Variants in AKAP7 observed in about 807,000 individuals in gnomAD.
AKAP7 encodes A kinase (PRKA) anchor protein 7.
A neutral mutation model predicts 39.5 loss-of-function variants in AKAP7; 39 were observed. The observed-to-expected ratio is 0.99, with a 90% CI of 0.76 to 1.29. The LOEUF is 1.29. AKAP7 is among the 50% of genes most tolerant of loss of function. The pLI is 0.00. For missense variants in AKAP7, 414 were observed against 407.7 expected (o/e 1.02, Z -0.13); for synonymous variants, 140 against 139.1 (o/e 1.01, Z -0.05).
At chr6:131,246,634 C>T (rs894800232) in intron 7 of AKAP7, among the ~76,000 whole-genome samples, 1 of 152,008 alleles carries the variant, frequency 6.6e-6, no homozygotes, top group African/African-American at 2.4e-5. Flanking sequence ...TTAATTGAGT[C>T]GTTTTTCCAA....
At chr6:131,182,342 T>C (rs1360163782) in intron 5 of AKAP7, among the ~76,000 whole-genome samples, 1 of 152,182 alleles carries the variant, frequency 6.6e-6, no homozygotes, top group Non-Finnish European at 1.5e-5. Flanking sequence ...ACCACCATTC[T>C]ACTTTCTGTC....
chr6:131,264,909 A>G (rs569994565), intron 7 of AKAP7, among the ~76,000 whole-genome samples: 3 of 152,208 alleles, frequency 2.0e-5, no homozygotes, highest in Admixed American at 6.5e-5. Context: ...ACCAGATCTC[A>G]CATGAACTTA....
intron 5 of AKAP7, among the ~76,000 whole-genome samples, chr6:131,194,610 A>G (rs9398980): frequency 0.41 from 62,665 of 151,930 alleles, 13,896 homozygotes; most frequent in East Asian, 0.68. Flanking sequence ...AGGTATGTCC[A>G]GTGCTGAAAG....
intron 7 of AKAP7, among the ~76,000 whole-genome samples, chr6:131,273,478 C>T (rs775220232): frequency 2.0e-5 from 3 of 152,172 alleles, no homozygotes; most frequent in African/African-American, 7.2e-5. Context: ...GGCTTATTTG[C>T]TGTGCCTCTT....
At chr6:131,219,884 T>A in intron 7 of AKAP7, 76 bp downstream of exon 7, 1 of 1,028,100 alleles carries the variant, frequency 9.7e-7, no homozygotes, top group Non-Finnish European at 1.3e-6. Context: ...GGCAAATATT[T>A]AAACTTAGTT....
intron 7 of AKAP7, among the ~76,000 whole-genome samples, chr6:131,275,992 G>C (rs1814710760): frequency 6.6e-6 from 1 of 152,104 alleles, no homozygotes; most frequent in South Asian, 2.1e-4. Flanking sequence ...GGCTACTCTT[G>C]ATTTTCAGTT....
chr6:131,183,907 C>G (rs1427095777), intron 5 of AKAP7, among the ~76,000 whole-genome samples: 2 of 152,154 alleles, frequency 1.3e-5, no homozygotes. Context: ...GGCAGAGGCT[C>G]TGGCCTGGCT....
intron 6 of AKAP7, chr6:131,200,110 G>A (rs1230330136): frequency 1.9e-5 from 3 of 155,326 alleles, no homozygotes; most frequent in Non-Finnish European, 4.3e-5. Flanking sequence ...CCCCTTTCCT[G>A]GAGGTACTTT....
rs200107592 is a variant in AKAP7 at position 131,169,931 on chromosome 6, G to GT, written c.589+667dup. ...CTATGCTTGGTCCACTTTTATCTGT[G>GT]TTTTTTTTTCTTTCTATCTATTATT... On this transcript the variant is annotated intron_variant, in intron 5 of 7. Coordinates refer to ENST00000431975, the MANE Select transcript of AKAP7 (RefSeq NM_016377.4). 5.3e-3 allele frequency among the ~76,000 whole-genome samples: 794 copies of GT among 150,412 alleles called. 9 individuals carry two copies. Among genetic ancestry groups the GT allele is most frequent in the African/African-American group, 0.018 (743 of 40,992 alleles).
intron 5 of AKAP7, among the ~76,000 whole-genome samples, chr6:131,177,496 A>G (rs1015361650): frequency 6.6e-6 from 1 of 152,200 alleles, no homozygotes; most frequent in Non-Finnish European, 1.5e-5. Flanking sequence ...ATCCAGTCCC[A>G]TGAAAGTGAG....
At position 131,281,944 on chromosome 6, in the gene AKAP7, G is replaced by C. The variant is rs1418038762; in HGVS notation, c.*218G>C. ...TGGCAGAGGAAATTAATTGATGAAA[G>C]AAGAATGGCCCAAGTTTCATTCGCC... On this transcript the variant is annotated 3_prime_UTR_variant, in exon 8 of 8. Transcript: ENST00000431975. This position sits in a 1 kb window ranked among gnomAD's most constrained non-coding sequence, Gnocchi z 4.0. 1 of 1,227,052 alleles carries C rather than the reference G, an allele frequency of 8.1e-7. No individual in the cohort carries two copies. The highest frequency in any genetic ancestry group is 1.0e-6 in the Non-Finnish European group (1 of 984,580). The allele number at this position is 1,227,052 out of a possible 1,614,324, so 76.0% of individuals were successfully genotyped here. A position where few individuals can be genotyped will look rare whatever the true frequency, so the allele number is the denominator to read the frequency against.
At chr6:131,257,605 C>G (rs140207861) in intron 7 of AKAP7, among the ~76,000 whole-genome samples, 3 of 152,124 alleles carry the variant, frequency 2.0e-5, no homozygotes, top group Admixed American at 2.0e-4. Flanking sequence ...GTGGTCCTAG[C>G]AAAGTCAACC....
At chr6:131,235,873 G>A (rs1811010025) in intron 7 of AKAP7, among the ~76,000 whole-genome samples, 1 of 152,170 alleles carries the variant, frequency 6.6e-6, no homozygotes, top group Admixed American at 6.5e-5. Flanking sequence ...TGTTCACACT[G>A]ATGGTAGTTT....
chr6:131,194,325 G>A (rs1314144491), intron 5 of AKAP7, among the ~76,000 whole-genome samples: 1 of 151,894 alleles, frequency 6.6e-6, no homozygotes, highest in African/African-American at 2.4e-5. Flanking sequence ...TAATTTCCAT[G>A]TATTTGTATA....
At chr6:131,152,531 G>A (rs1470466296) in intron 2 of AKAP7, among the ~76,000 whole-genome samples, 3 of 152,154 alleles carry the variant, frequency 2.0e-5, no homozygotes, top group African/African-American at 4.8e-5. Flanking sequence ...GCAAACAAGA[G>A]AGAAGAAATA....
chr6:131,232,031 C>T (rs928250594), intron 7 of AKAP7, among the ~76,000 whole-genome samples: 2 of 152,164 alleles, frequency 1.3e-5, no homozygotes, highest in Non-Finnish European at 2.9e-5. Context: ...AGTGATGGCT[C>T]ACTGTATTTT....
At chr6:131,248,913 A>G (rs1237567810) in intron 7 of AKAP7, among the ~76,000 whole-genome samples, 1 of 152,214 alleles carries the variant, frequency 6.6e-6, no homozygotes, top group South Asian at 2.1e-4. Context: ...CTGTTTATTT[A>G]TAAGTCACTA....
intron 1 of AKAP7, among the ~76,000 whole-genome samples, chr6:131,142,665 G>C (rs572049671): frequency 6.6e-6 from 1 of 152,346 alleles, no homozygotes; most frequent in Admixed American, 6.5e-5. Flanking sequence ...CCCCCACCCA[G>C]AGTCTCCACC....
At chr6:131,268,521 T>C (rs2128332496) in intron 7 of AKAP7, among the ~76,000 whole-genome samples, 1 of 152,328 alleles carries the variant, frequency 6.6e-6, no homozygotes, top group Non-Finnish European at 1.5e-5. Flanking sequence ...ATCATGGGAA[T>C]TTTCTCAGCC....
Sources: allele counts gnomAD v4.1 joint callset (sites outside exome capture counted in the v4.1 genomes callset), GRCh38; gene constraint gnomAD v4.1.1; non-coding constraint Gnocchi (gnomAD v3.1); transcripts MANE v1.5; gene names NCBI Gene and HGNC (gene_info 2026-07-23, HGNC 2026-07-21).